COL9A1: variants seen among roughly 807,000 people sequenced by gnomAD.
COL9A1 encodes the protein collagen type IX alpha 1 chain, also known as collagen alpha-1(IX) chain.
Under a neutral mutation model 142.6 loss-of-function variants are expected in COL9A1, and 104 were observed. The observed-to-expected ratio is 0.73, with a 90% CI of 0.62 to 0.86. The LOEUF (loss-of-function observed/expected upper bound fraction) is 0.86, where lower values mean the gene tolerates loss of function less well. COL9A1 is among the 40% of genes least tolerant of loss of function. COL9A1 has a pLI of 0.00. For missense variants in COL9A1, 1,210 were observed against 1,176.6 expected, an observed-to-expected ratio of 1.03 and a Z score of -0.42; for synonymous variants, 466 against 396.0, an observed-to-expected ratio of 1.18 and a Z score of -2.10.
Position 70,252,268 on chromosome 6 carries a change from G to T in COL9A1, c.1812C>A (p.Gly604=). ...PGKPGQMGNS[G]KPGQQGPPGE... ...AGGTAAAATGGTGTCTTACCGGTTT[G>T]CCTGAATTTCCCATCTGACCAGGCT... Residue 604 remains glycine, a synonymous_variant, in exon 27 of 38, where the codon GGC becomes GGA. Coordinates refer to ENST00000357250, the MANE Select transcript of COL9A1 (RefSeq NM_001851.6). The T allele has an allele frequency of 1.2e-6, 2 of 1,614,172 alleles. No individual in the cohort carries two copies. The highest frequency in any genetic ancestry group is 2.2e-5 in the South Asian group (2 of 91,082).
intron 26 of COL9A1, 171 bp downstream of exon 26, chr6:70,253,214 G>A (rs1468114252): frequency 1.9e-6 from 1 of 530,920 alleles, no homozygotes; most frequent in Admixed American, 3.3e-5. Context: ...TATGCTTTCT[G>A]TAGCTAGGAA....
At chr6:70,279,791 C>A in intron 10 of COL9A1, 3 of 430,892 alleles carry the variant, frequency 7.0e-6, no homozygotes, top group South Asian at 8.0e-5. Context: ...ATTTATTTTT[C>A]TTTCAAAATG....
At chr6:70,291,939 T>C (rs1773676078) in intron 5 of COL9A1, among the ~76,000 whole-genome samples, 1 of 152,172 alleles carries the variant, frequency 6.6e-6, no homozygotes, top group Non-Finnish European at 1.5e-5. Flanking sequence ...ATCTCTACTT[T>C]CCATCTTACA....
At chr6:70,286,415 T>C (rs1297026111) in intron 5 of COL9A1, among the ~76,000 whole-genome samples, 1 of 152,212 alleles carries the variant, frequency 6.6e-6, no homozygotes, top group Non-Finnish European at 1.5e-5. Context: ...CAACTATCTT[T>C]TCCTCCTGAG....
At chr6:70,258,909 T>C (rs1771499144) in intron 20 of COL9A1, among the ~76,000 whole-genome samples, 1 of 151,964 alleles carries the variant, frequency 6.6e-6, no homozygotes, top group Non-Finnish European at 1.5e-5. Flanking sequence ...ATGATTTAAA[T>C]CCAGAAAAAA....
intron 1 of COL9A1, among the ~76,000 whole-genome samples, chr6:70,302,471 G>A (rs531671499): frequency 1.3e-5 from 2 of 152,056 alleles, no homozygotes; most frequent in Non-Finnish European, 2.9e-5. Flanking sequence ...GCCTCCCAAA[G>A]TGCTGGGATT....
chr6:70,279,362 T>G (rs1772965854), intron 10 of COL9A1, among the ~76,000 whole-genome samples: 1 of 152,194 alleles, frequency 6.6e-6, no homozygotes. Context: ...TAAATATTAG[T>G]CCTTAGGTGC....
rs376521638 is a variant in COL9A1, at chr6:70,255,035, A to T, written c.1612-19T>A. ...GCAAACCCTAAACACACACAAAGAA[A>T]CATACTGTCTCTTACACACAGTCAC... On this transcript the variant is annotated intron_variant, in intron 23 of 37. Transcript: ENST00000357250. The T allele has an allele frequency of 4.3e-6, 7 of 1,613,950 alleles. No individual in the cohort carries two copies. The highest frequency in any genetic ancestry group is 5.9e-6 in the Non-Finnish European group (7 of 1,179,918).
At chr6:70,291,091 C>T (rs1217154325) in intron 5 of COL9A1, among the ~76,000 whole-genome samples, 1 of 152,058 alleles carries the variant, frequency 6.6e-6, no homozygotes, top group Non-Finnish European at 1.5e-5. Context: ...CTTCAGATTT[C>T]AACCAAACTG....
In COL9A1 at chr6:70,216,792, T is replaced by C. The variant is rs1444604816; in HGVS notation, c.*105A>G. 10 of 1,156,522 alleles carry C rather than the reference T, an allele frequency of 8.6e-6. No homozygotes were observed. The highest frequency in any genetic ancestry group is 1.3e-5 in the Non-Finnish European group (10 of 781,492). 71.6% of individuals were successfully genotyped at this position (1,156,522 alleles called of 1,614,324 possible). A position where few individuals can be genotyped will look rare whatever the true frequency, so the allele number is the denominator to read the frequency against. The stretch of plus-strand genomic sequence containing the variant: ...TCATACTGAAGGTAATACATTGTAA[T>C]CATGCTGAAGGTAATCATCTTTGCC... On this transcript the variant is annotated 3_prime_UTR_variant, in exon 38 of 38. Coordinates refer to ENST00000357250, the MANE Select transcript of COL9A1 (RefSeq NM_001851.6).
intron 10 of COL9A1, among the ~76,000 whole-genome samples, chr6:70,279,018 T>G (rs1772944374): frequency 6.6e-6 from 1 of 152,224 alleles, no homozygotes; most frequent in Admixed American, 6.5e-5. Flanking sequence ...AGGATTCAGA[T>G]GACCCATTTA....
At position 70,283,718 on chromosome 6, in the gene COL9A1, A is replaced by G. The variant is rs991221951; in HGVS notation, c.780+19T>C. The G allele has an allele frequency of 3.8e-6, 6 of 1,597,526 alleles. No homozygotes were observed. The African/African-American group carries it at 5.4e-5, about 14-fold the overall frequency. ...TGAGCTGGGTAGAAGTGGCCTTTGC[A>G]GGTAGTCAGGGGACTCACCGTTATT... On this transcript the variant is annotated intron_variant, in intron 6 of 37. Transcript: ENST00000357250.
At chr6:70,296,575 T>C (rs1773858372) in intron 4 of COL9A1, among the ~76,000 whole-genome samples, 1 of 152,160 alleles carries the variant, frequency 6.6e-6, no homozygotes. Flanking sequence ...CAGAATTATA[T>C]CTATTCTGGA....
chr6:70,255,435 T>C (rs777484394), intron 21 of COL9A1, 45 bp from the exon 22 acceptor site: 5 of 1,520,846 alleles, frequency 3.3e-6, no homozygotes, highest in Admixed American at 1.7e-5. Flanking sequence ...AAGTTACTTA[T>C]TAATCAACTT....
chr6:70,218,523 T>C (rs1456657256), intron 37 of COL9A1, among the ~76,000 whole-genome samples: 1 of 152,214 alleles, frequency 6.6e-6, no homozygotes, highest in Non-Finnish European at 1.5e-5. Context: ...AAATTGTGTA[T>C]GCCAAAATAA....
At chr6:70,237,394 T>C (rs879504550) in intron 33 of COL9A1, among the ~76,000 whole-genome samples, 6 of 152,230 alleles carry the variant, frequency 3.9e-5, no homozygotes, top group Non-Finnish European at 7.3e-5. Context: ...CACAACTTTG[T>C]CTATGCTGAA....
intron 28 of COL9A1, among the ~76,000 whole-genome samples, chr6:70,248,878 G>A (rs1289573919): frequency 1.3e-5 from 2 of 152,154 alleles, no homozygotes; most frequent in Non-Finnish European, 2.9e-5. Context: ...TCAGAATAAG[G>A]AAAGATCACT....
Position 70,239,258 on chromosome 6 carries a change from C to T in COL9A1, c.2108G>A (p.Gly703Glu). The T allele has an allele frequency of 1.3e-6, 2 of 1,554,626 alleles. No homozygotes were observed. Among genetic ancestry groups the T allele is most frequent in the Non-Finnish European group, 1.8e-6 (2 of 1,126,350 alleles). The change falls in exon 33 of 38, where the codon GGA (glycine) becomes GAA (glutamate). Residue 703 changes from glycine (G) to glutamate (E), a missense_variant. Transcript: ENST00000357250. Reference protein sequence around the residue: ...LGDIGLPGPKGSAGNPGEPGL... With the variant: ...LGDIGLPGPKESAGNPGEPGL... The stretch of plus-strand genomic sequence containing the variant: ...ATTACTATTCACCATACTTACAGAT[C>T]CCTTTGGGCCAGGTAATCCTATATC...
intron 32 of COL9A1, among the ~76,000 whole-genome samples, chr6:70,240,152 G>C (rs1339287817): frequency 5.3e-5 from 8 of 152,168 alleles, no homozygotes; most frequent in African/African-American, 1.9e-4. Flanking sequence ...GCAGTGGAGA[G>C]AACTTGTTCT....
Sources: allele counts gnomAD v4.1 joint callset (sites outside exome capture counted in the v4.1 genomes callset), GRCh38; gene constraint gnomAD v4.1.1; transcripts MANE v1.5; gene names NCBI Gene and HGNC (gene_info 2026-07-23, HGNC 2026-07-21).